Variants in CDKL5 observed in about 807,000 individuals in gnomAD.
CDKL5 encodes the protein cyclin-dependent kinase-like 5.
Under a neutral mutation model 61.7 loss-of-function variants are expected in CDKL5, and 8 were observed. The ratio of observed to expected loss-of-function variants is 0.13; its 90% CI spans 0.08 to 0.23. CDKL5 has a LOEUF of 0.23. Ranked by LOEUF, CDKL5 falls within the 10% of genes least tolerant of loss-of-function variation. CDKL5 has a pLI of 1.00. For synonymous variants in CDKL5, 275 were observed against 272.3 expected (o/e 1.01, Z -0.10); for missense variants, 440 against 734.5 (o/e 0.60, Z 4.63).
intron 1 of CDKL5, among the ~76,000 whole-genome samples, chrX:18,430,297 C>T (rs767847179): frequency 8.9e-6 from 1 of 112,218 alleles, no homozygotes; most frequent in Non-Finnish European, 1.9e-5. Flanking sequence ...ATAAAGGCTT[C>T]GAAGATACTC....
At chrX:18,478,098 T>G (rs1921385896) in intron 1 of CDKL5, among the ~76,000 whole-genome samples, 1 of 111,322 alleles carries the variant, frequency 9.0e-6, no homozygotes, top group Non-Finnish European at 1.9e-5. Context: ...AAGTTGGATC[T>G]TCTAGCAATG....
rs1303444792 is a variant in CDKL5, at chrX:18,636,832, T to C, written c.*8075T>C. ...GTCCCCACGATGTATAACATATTCT[T>C]CTCTAAAAGCTCACAACAATTTATG... On this transcript the variant is annotated 3_prime_UTR_variant, in exon 18 of 18. Coordinates refer to ENST00000623535, the MANE Select transcript of CDKL5 (RefSeq NM_001323289.2). 1 of 112,276 alleles carries C rather than the reference T, an allele frequency of 8.9e-6. No homozygotes were observed. The highest frequency in any genetic ancestry group is 3.2e-5 in the African/African-American group (1 of 30,927). 9.3% of individuals were successfully genotyped at this position (112,276 alleles called of 1,213,427 possible).
intron 3 of CDKL5, among the ~76,000 whole-genome samples, chrX:18,553,596 G>A (rs1001042816): frequency 9.1e-6 from 1 of 110,028 alleles, no homozygotes; most frequent in Admixed American, 9.7e-5. Flanking sequence ...GGATTCAAGC[G>A]ATTCTCACGT....
intron 1 of CDKL5, among the ~76,000 whole-genome samples, chrX:18,438,806 A>G (rs1174546510): frequency 1.8e-5 from 2 of 108,960 alleles, no homozygotes; most frequent in African/African-American, 6.7e-5. Context: ...AAAAAAAAAA[A>G]AAAGACAAGG....
At position 18,632,970 on chromosome X, in the gene CDKL5, G is replaced by A. The variant is rs1927276248; in HGVS notation, c.*4213G>A. On this transcript the variant is annotated 3_prime_UTR_variant, in exon 18 of 18. Coordinates refer to ENST00000623535, the MANE Select transcript of CDKL5 (RefSeq NM_001323289.2). Reference sequence around the variant, plus strand: ...AAGGCCAGAGGATTACTTTGCAAGTGTGTAGAAAGATCTGTCTATTTCTGT... The same window carrying A: ...AAGGCCAGAGGATTACTTTGCAAGTATGTAGAAAGATCTGTCTATTTCTGT... 8.0e-6 allele frequency: 6 copies of A among 752,896 alleles called. No individual in the cohort carries two copies. Among genetic ancestry groups the A allele is most frequent in the Non-Finnish European group, 9.4e-6 (6 of 639,094 alleles). 62.0% of individuals were successfully genotyped at this position (752,896 alleles called of 1,213,427 possible).
At chrX:18,650,029 G>T in intron 20 of CDKL5, 1 of 266,432 alleles carries the variant, frequency 3.8e-6, no homozygotes, top group South Asian at 4.1e-5. Context: ...GTAGGCAGAG[G>T]GGAAGGGAAA....
intron 3 of CDKL5, among the ~76,000 whole-genome samples, chrX:18,518,402 T>TG (rs1226735597): frequency 1.6e-5 from 1 of 60,908 alleles, no homozygotes; most frequent in Non-Finnish European, 3.0e-5. Context: ...TTTTTTTTTT[T>TG]TTTTTTTTTT....
chrX:18,632,162 A>G lies in CDKL5; in HGVS notation c.*3405A>G, dbSNP rs1181516196. On this transcript the variant is annotated 3_prime_UTR_variant, in exon 18 of 18. Coordinates refer to ENST00000623535, the MANE Select transcript of CDKL5 (RefSeq NM_001323289.2). ...GCTTGGCTCTGGCCTTGTTCTGTCCAGGCTACAGTACTGCAGGTGTGATTT... is the reference window on the plus strand; with the variant it reads ...GCTTGGCTCTGGCCTTGTTCTGTCCGGGCTACAGTACTGCAGGTGTGATTT... 4 of 752,436 alleles carry G rather than the reference A, an allele frequency of 5.3e-6. No homozygotes were observed. In the African/African-American group the frequency reaches 6.9e-5, roughly 13 times the overall value. The allele number at this position is 752,436 out of a possible 1,213,427, so 62.0% of individuals were successfully genotyped here.
At position 18,478,203 on chromosome X, in the gene CDKL5, GT is replaced by G. The variant is rs1302495488; in HGVS notation, c.-162-28721del. ...TGGATATGAAATTCTTGGTTGACAA[GT>G]TTTTTTTTTTCCTTTTCTTTCATCG... is the stretch of plus-strand genomic sequence containing the variant. On this transcript the variant is annotated intron_variant, in intron 1 of 17. Coordinates refer to ENST00000623535, the MANE Select transcript of CDKL5 (RefSeq NM_001323289.2). Among the ~76,000 whole-genome samples, 172 of 100,141 alleles carry G rather than the reference GT, an allele frequency of 1.7e-3. 1 individual carries two copies. The highest frequency in any genetic ancestry group is 0.014 in the South Asian group (32 of 2,314). The allele number at this position is 100,141 out of a possible 115,157, so 87.0% of individuals were successfully genotyped here.
At chrX:18,606,830 A>C (rs1444738494) in intron 12 of CDKL5, among the ~76,000 whole-genome samples, 2 of 112,178 alleles carry the variant, frequency 1.8e-5, no homozygotes, top group Non-Finnish European at 3.8e-5. Flanking sequence ...GGTGAAGAGA[A>C]TATGTTTGGG....
intron 12 of CDKL5, among the ~76,000 whole-genome samples, chrX:18,605,773 G>C (rs961183238): frequency 3.6e-5 from 4 of 112,496 alleles, no homozygotes; most frequent in Admixed American, 1.9e-4. Flanking sequence ...GCTGATATTT[G>C]GACATTGAAC....
intron 21 of CDKL5, among the ~76,000 whole-genome samples, chrX:18,651,361 A>T (rs1295419643): frequency 9.1e-6 from 1 of 109,410 alleles, no homozygotes; most frequent in Non-Finnish European, 1.9e-5. Context: ...AAGCTTATGG[A>T]CCTGGAAGAT....
In CDKL5 at chrX:18,647,177, C is replaced by T. The variant is rs370841048; in HGVS notation, c.2797+1087C>T. The T allele has an allele frequency of 1.7e-4, 200 of 1,207,695 alleles. No individual in the cohort carries two copies. The South Asian group carries it at 2.8e-3, about 17-fold the overall frequency. ...TTAAAAGCACATGAAAAAAAATCCC[C>T]GGGCCCTGCTTACCCAAAGCCTTGA... On this transcript the variant is annotated intron_variant, in intron 20 of 21. Transcript: ENST00000379989.
chrX:18,612,457 C>T (rs1184464955), intron 14 of CDKL5, among the ~76,000 whole-genome samples: 1 of 109,874 alleles, frequency 9.1e-6, no homozygotes, highest in Non-Finnish European at 1.9e-5. Context: ...CACTTGAGCT[C>T]GAGAGTTCGA....
At chrX:18,591,061 T>G (rs1925812501) in intron 9 of CDKL5, among the ~76,000 whole-genome samples, 1 of 110,879 alleles carries the variant, frequency 9.0e-6, no homozygotes, top group Non-Finnish European at 1.9e-5. Context: ...GGCAAGGTGC[T>G]TCCCTCGTGT....
chrX:18,515,170 A>G (rs762442314), intron 3 of CDKL5, among the ~76,000 whole-genome samples: 1 of 112,426 alleles, frequency 8.9e-6, no homozygotes, highest in African/African-American at 3.2e-5. Flanking sequence ...CAAAAACACG[A>G]AAAGGTCATG....
chrX:18,487,252 AGATTTCTGGT>A (rs778466766), intron 1 of CDKL5, among the ~76,000 whole-genome samples: 1 of 112,383 alleles, frequency 8.9e-6, no homozygotes. Context: ...GTGGCTTTGC[AGATTTCTGGT>A]GAATAGGAAT....
intron 6 of CDKL5, among the ~76,000 whole-genome samples, chrX:18,580,417 T>C (rs1477180616): frequency 1.8e-5 from 2 of 111,675 alleles, no homozygotes; most frequent in Non-Finnish European, 3.8e-5. Context: ...TTGGCACTCA[T>C]GTCTCATTCC....
chrX:18,496,835 G>T (rs1461090069), intron 1 of CDKL5, among the ~76,000 whole-genome samples: 2 of 110,629 alleles, frequency 1.8e-5, no homozygotes, highest in Non-Finnish European at 3.8e-5. Flanking sequence ...TATTGCCACA[G>T]TGTCTGGTTT....
Sources: allele counts gnomAD v4.1 joint callset (sites outside exome capture counted in the v4.1 genomes callset), GRCh38; gene constraint gnomAD v4.1.1; transcripts MANE v1.5; gene names NCBI Gene and HGNC (gene_info 2026-07-23, HGNC 2026-07-21).